The following CSMD2 variants were observed in gnomAD, a reference collection of about 807,000 sequenced individuals.
CSMD2 encodes the protein CUB and Sushi multiple domains 2.
In CSMD2, 130 loss-of-function variants were observed where a neutral mutation model predicts 398.5. That is an observed-to-expected ratio of 0.33 (90% CI 0.28 to 0.38). The LOEUF is 0.38. CSMD2 is among the 10% of genes least tolerant of loss of function. The pLI, the probability that CSMD2 is intolerant of heterozygous loss-of-function variation, is 1.00. For missense variants in CSMD2, 3,829 were observed against 4,764.9 expected (o/e 0.80, Z 5.78); for synonymous variants, 1,828 against 1,908.5 (o/e 0.96, Z 1.10).
At chr1:33,601,091 G>T in intron 43 of CSMD2, 81 bp from the exon 44 acceptor site, 1 of 1,566,892 alleles carries the variant, frequency 6.4e-7, no homozygotes, top group South Asian at 1.2e-5. Flanking sequence ...GTGGCCTTAA[G>T]ACAGACCTGG....
rs1338546640 is a variant in CSMD2 at position 33,743,400 on chromosome 1, G to C, written c.2053C>G (p.Leu685Val). The stretch of plus-strand genomic sequence containing the variant: ...AGCTGGTTTCCTGAGAAGGTGCCCA[G>C]GACGGGCGCCTCGGCGGTGGCCCCA... ...KDGATAEAPV[L>V]GTFSGNQLPS... Residue 685 changes from leucine (L) to valine (V), a missense_variant, in exon 14 of 71, where the codon CTG (leucine) becomes GTG (valine). By Grantham distance (32) the Leu-to-Val change is conservative. Transcript: ENST00000373381. The C allele has an allele frequency of 8.1e-6, 13 of 1,614,082 alleles. No individual in the cohort carries two copies. Among genetic ancestry groups the C allele is most frequent in the Non-Finnish European group, 1.0e-5 (12 of 1,180,038 alleles).
intron 29 of CSMD2, among the ~76,000 whole-genome samples, chr1:33,642,328 C>G (rs1447528629): frequency 1.7e-5 from 2 of 117,992 alleles, no homozygotes; most frequent in Non-Finnish European, 3.2e-5. Flanking sequence ...GCCTGGGTGA[C>G]AGAGTGACAC....
chr1:34,164,856 G>T lies in CSMD2; in HGVS notation c.187+55C>A. On this transcript the variant is annotated intron_variant, in intron 1 of 70. Transcript: ENST00000373381. The surrounding 1 kb of genome is among the most constrained non-coding windows in gnomAD (Gnocchi z 6.2). ...GACCGGGTCGAGGATGGGTGGGCTC[G>T]GGGCTCGGGTGGGGCGCGCGGCGGC... The T allele has an allele frequency of 8.2e-7, 1 of 1,212,406 alleles. No individual in the cohort carries two copies. Among genetic ancestry groups the T allele is most frequent in the Non-Finnish European group, 1.0e-6 (1 of 974,798 alleles). The allele number at this position is 1,212,406 out of a possible 1,614,324, so 75.1% of individuals were successfully genotyped here.
At chr1:33,890,547 A>T (rs1034427269) in intron 5 of CSMD2, among the ~76,000 whole-genome samples, 2 of 151,384 alleles carry the variant, frequency 1.3e-5, no homozygotes, top group African/African-American at 2.4e-5. Context: ...TTAAAATTAA[A>T]TTTTTTTTTG....
chr1:33,541,707 T>C (rs1054137835), intron 58 of CSMD2, among the ~76,000 whole-genome samples: 8 of 152,178 alleles, frequency 5.3e-5, no homozygotes, highest in Middle Eastern at 3.2e-3. Context: ...TATGCACCGC[T>C]GCAACTTGGG....
chr1:33,676,979 A>G (rs1644735037), intron 25 of CSMD2, among the ~76,000 whole-genome samples: 1 of 152,236 alleles, frequency 6.6e-6, no homozygotes. Flanking sequence ...TTAAAGACTT[A>G]CATGTTAGAC....
At chr1:33,792,874 T>A (rs1478427402) in intron 10 of CSMD2, among the ~76,000 whole-genome samples, 1 of 152,200 alleles carries the variant, frequency 6.6e-6, no homozygotes. Context: ...TGGCAACTTT[T>A]CAGGCCACAT....
Position 33,864,544 on chromosome 1 carries a change from G to C in CSMD2, c.921-17548C>G, listed in dbSNP as rs1374719674. 5.0e-6 allele frequency: 8 copies of C among 1,613,982 alleles called. 1 individual carries two copies. The Admixed American group carries it at 1.2e-4, about 24-fold the overall frequency. On this transcript the variant is annotated intron_variant, in intron 5 of 70. Coordinates refer to ENST00000373381, the MANE Select transcript of CSMD2 (RefSeq NM_001281956.2). ...CAGCTGAAGAGGGAGAACCCGAACT[G>C]GTCGGTGGTGCAGGTGGCCAAGGCC... is the stretch of plus-strand genomic sequence containing the variant.
chr1:33,852,032 T>C (rs1164695936), intron 5 of CSMD2, among the ~76,000 whole-genome samples: 1 of 151,858 alleles, frequency 6.6e-6, no homozygotes, highest in Non-Finnish European at 1.5e-5. Flanking sequence ...GTGTTTGGGG[T>C]TGGTTACTAT....
chr1:34,101,836 T>A (rs925851239), intron 1 of CSMD2, among the ~76,000 whole-genome samples: 1 of 152,170 alleles, frequency 6.6e-6, no homozygotes, highest in Non-Finnish European at 1.5e-5. Flanking sequence ...TTTAATTTTA[T>A]CATGTTTGAC....
In CSMD2 at chr1:34,135,615, TCAA is replaced by T. The variant is rs1233077116; in HGVS notation, c.187+29293_187+29295del. On this transcript the variant is annotated intron_variant, in intron 1 of 70. Transcript: ENST00000373381. ...CCTGGCAACAAAGCAAGACTCCATC[TCAA>T]AAAAAAAAAAAAAAAAAAAAAAAAA... Among the ~76,000 whole-genome samples the T allele has an allele frequency of 4.2e-3, 94 of 22,376 alleles. 2 individuals are homozygous for T. The highest frequency in any genetic ancestry group is 0.013 in the South Asian group (5 of 400). The allele number at this position is 22,376 out of a possible 152,430, so 14.7% of individuals were successfully genotyped here. A position where few individuals can be genotyped will look rare whatever the true frequency, so the allele number is the denominator to read the frequency against.
intron 4 of CSMD2, among the ~76,000 whole-genome samples, chr1:33,927,086 C>T (rs1644152662): frequency 6.6e-6 from 1 of 152,184 alleles, no homozygotes; most frequent in Admixed American, 6.5e-5. Context: ...GGAGAAGCCA[C>T]CATCTTCCAA....
At chr1:34,090,881 C>T (rs1265258111) in intron 1 of CSMD2, among the ~76,000 whole-genome samples, 1 of 152,200 alleles carries the variant, frequency 6.6e-6, no homozygotes, top group Non-Finnish European at 1.5e-5. Context: ...ATGGCCTGGC[C>T]CTTAGTGACC....
Position 33,743,464 on chromosome 1 carries a change from A to G in CSMD2, c.1989T>C (p.Ile663=). 1 of 1,614,176 alleles carries G rather than the reference A, an allele frequency of 6.2e-7. No homozygotes were observed. The highest frequency in any genetic ancestry group is 1.3e-5 in the African/African-American group (1 of 75,046). ...GGAAATCAAACTGAGGCTCCACGTC[A>G]ATGTCGTTGAAGGCCAGGTGGATGC... ...ESRIHLAFND[I]DVEPQFDFLV... Residue 663 remains isoleucine, a synonymous_variant, in exon 14 of 71, where the codon ATT becomes ATC. Coordinates refer to ENST00000373381, the MANE Select transcript of CSMD2 (RefSeq NM_001281956.2).
At chr1:33,904,675 T>C (rs1297717271) in intron 5 of CSMD2, among the ~76,000 whole-genome samples, 1 of 152,332 alleles carries the variant, frequency 6.6e-6, no homozygotes, top group East Asian at 1.9e-4. Context: ...TGTTTTGTTT[T>C]GTTTTTTGAG....
intron 57 of CSMD2, 107 bp from the exon 58 acceptor site, chr1:33,543,003 G>C: frequency 1.2e-6 from 1 of 826,472 alleles, no homozygotes. Context: ...GGACCTCGTG[G>C]ATAGAAATGC....
chr1:33,538,737 T>C (rs770364323), intron 60 of CSMD2, among the ~76,000 whole-genome samples: 1 of 152,120 alleles, frequency 6.6e-6, no homozygotes, highest in Non-Finnish European at 1.5e-5. Flanking sequence ...TGATGCCAAT[T>C]AAAGTAATGA....
In CSMD2 at chr1:33,614,514, G is replaced by T. The variant is rs539257263; in HGVS notation, c.6123C>A (p.Pro2041=). 18 of 1,596,668 alleles carry T rather than the reference G, an allele frequency of 1.1e-5. No individual in the cohort carries two copies. Among genetic ancestry groups the T allele is most frequent in the Non-Finnish European group, 1.5e-5 (18 of 1,164,158 alleles). ...GCTGCAGAGACTTACCAAAGCCCAC[G>T]GGCAGTGCTATTTTCCAGGAGCAGT... The part of the protein sequence containing the change: ...NMDCSWKIAL[P]VGFGAHIQFL... Residue 2041 remains proline, a synonymous_variant, in exon 40 of 71, where the codon CCC becomes CCA. Coordinates refer to ENST00000373381, the MANE Select transcript of CSMD2 (RefSeq NM_001281956.2).
At chr1:33,651,308 G>T (rs183686709) in intron 28 of CSMD2, among the ~76,000 whole-genome samples, 4 of 152,234 alleles carry the variant, frequency 2.6e-5, no homozygotes, top group Non-Finnish European at 4.4e-5. Context: ...GGAAGAAGCC[G>T]TGAGAGCAGG....
Sources: gnomAD v4.1 joint callset for allele counts (sites outside exome capture counted in the v4.1 genomes callset) on GRCh38, gnomAD v4.1.1 for gene constraint, Gnocchi (gnomAD v3.1) non-coding constraint, MANE v1.5 for transcripts, NCBI Gene and HGNC (gene_info 2026-07-23, HGNC 2026-07-21) for gene names.